Variants in FAM13B observed in about 807,000 individuals in gnomAD.
FAM13B encodes the protein family with sequence similarity 13 member B, also known as protein FAM13B.
FAM13B carries 60 observed loss-of-function variants against 117.3 expected under a neutral mutation model. That is an observed-to-expected ratio of 0.51 (90% confidence interval 0.42 to 0.63). The LOEUF (loss-of-function observed/expected upper bound fraction) is 0.63, where lower values mean the gene tolerates loss of function less well. Among genes scored for constraint, FAM13B ranks in the 30% least tolerant of loss-of-function variants. FAM13B has a pLI of 0.00. For synonymous variants in FAM13B, 332 were observed against 356.1 expected, an observed-to-expected ratio of 0.93 and a Z score of 0.76; for missense variants, 972 against 1,091.9, an observed-to-expected ratio of 0.89 and a Z score of 1.55.
intron 14 of FAM13B, among the ~76,000 whole-genome samples, chr5:137,955,810 T>G (rs1254123895): frequency 6.6e-6 from 1 of 152,082 alleles, no homozygotes; most frequent in Non-Finnish European, 1.5e-5. Context: ...ATTTGTATTT[T>G]TAGTTGAGAT....
At chr5:138,027,715 G>A (rs921497166) in intron 1 of FAM13B, among the ~76,000 whole-genome samples, 1 of 152,224 alleles carries the variant, frequency 6.6e-6, no homozygotes, top group African/African-American at 2.4e-5. Context: ...CAGTGATACG[G>A]TTTGGCTCTG....
At chr5:137,989,159 T>C (rs1777981999) in intron 7 of FAM13B, among the ~76,000 whole-genome samples, 1 of 152,244 alleles carries the variant, frequency 6.6e-6, no homozygotes, top group African/African-American at 2.4e-5. Flanking sequence ...CATCTGTAGC[T>C]ACCTTGTCAT....
Position 137,945,022 on chromosome 5 carries a change from T to TTCC in FAM13B, c.2340+879_2340+880insGGA, listed in dbSNP as rs1259262279. 2.6e-5 allele frequency among the ~76,000 whole-genome samples: 4 copies of TTCC among 152,004 alleles called. No homozygotes were observed. The East Asian group carries it at 7.7e-4, about 29-fold the overall frequency. ...TATGCTCAGTACCTAGGTGACAGGA[T>TTCC]TATTTGTACCCCAAACCTCAGCATC... is the stretch of plus-strand genomic sequence containing the variant. On this transcript the variant is annotated intron_variant, in intron 20 of 23. Coordinates refer to ENST00000689681, the MANE Select transcript of FAM13B (RefSeq NM_001385994.1).
intron 7 of FAM13B, among the ~76,000 whole-genome samples, chr5:137,995,550 C>A (rs993163757): frequency 3.3e-5 from 5 of 152,064 alleles, no homozygotes; most frequent in Non-Finnish European, 5.9e-5. Context: ...TAGAACTATA[C>A]CAAAATTACC....
intron 10 of FAM13B, among the ~76,000 whole-genome samples, chr5:137,965,649 A>C (rs895580111): frequency 1.3e-5 from 2 of 152,194 alleles, no homozygotes; most frequent in Non-Finnish European, 2.9e-5. Context: ...GCATATTGAT[A>C]TACTTCTATC....
In FAM13B at chr5:137,940,945, G is replaced by A. The variant is rs972223683; in HGVS notation, c.2691-597C>T. 7.9e-5 allele frequency among the ~76,000 whole-genome samples: 12 copies of A among 151,998 alleles called. No homozygotes were observed. The East Asian group carries it at 9.7e-4, about 12-fold the overall frequency. ...TTTTGAGACAGAGCCTTGCTCTGTC[G>A]CCCAGGCTGGAGTGCAGTGGCGACA... On this transcript the variant is annotated intron_variant, in intron 23 of 23. Coordinates refer to ENST00000689681, the MANE Select transcript of FAM13B (RefSeq NM_001385994.1).
intron 16 of FAM13B, 119 bp from the exon 17 acceptor site, chr5:137,952,828 T>A: frequency 3.2e-6 from 2 of 618,238 alleles, no homozygotes; most frequent in Non-Finnish European, 5.5e-6. Flanking sequence ...CATTTCATCT[T>A]ATTTTAATTA....
chr5:137,943,465 G>A (rs1762451138), intron 20 of FAM13B, among the ~76,000 whole-genome samples: 1 of 152,102 alleles, frequency 6.6e-6, no homozygotes, highest in African/African-American at 2.4e-5. Context: ...ATTCTAAATG[G>A]GCCAGGCACG....
chr5:137,985,650 T>A (rs928310799), intron 9 of FAM13B, among the ~76,000 whole-genome samples: 1 of 152,198 alleles, frequency 6.6e-6, no homozygotes, highest in African/African-American at 2.4e-5. Flanking sequence ...TAAAATAATT[T>A]ATGGGCCGAA....
chr5:137,987,179 C>T (rs1359337804), intron 9 of FAM13B, among the ~76,000 whole-genome samples: 1 of 151,920 alleles, frequency 6.6e-6, no homozygotes, highest in Non-Finnish European at 1.5e-5. Context: ...AACATAATTC[C>T]TAAAGGTAAG....
At chr5:137,996,842 C>T (rs1314453402) in intron 7 of FAM13B, among the ~76,000 whole-genome samples, 1 of 152,114 alleles carries the variant, frequency 6.6e-6, no homozygotes, top group Non-Finnish European at 1.5e-5. Context: ...GATCCACCCT[C>T]CTTGGCCTCA....
intron 6 of FAM13B, among the ~76,000 whole-genome samples, chr5:138,010,060 A>C (rs1392862292): frequency 2.6e-5 from 4 of 152,002 alleles, no homozygotes; most frequent in Non-Finnish European, 5.9e-5. Flanking sequence ...GGCTCACTGC[A>C]ACCTCCGCCT....
intron 11 of FAM13B, among the ~76,000 whole-genome samples, chr5:137,961,435 A>G (rs561989624): frequency 3.9e-5 from 6 of 152,182 alleles, no homozygotes; most frequent in Non-Finnish European, 7.3e-5. Flanking sequence ...TGTTAATTTT[A>G]TATCTTCAGC....
chr5:137,962,947 C>T (rs775150638), intron 10 of FAM13B, among the ~76,000 whole-genome samples: 8 of 152,092 alleles, frequency 5.3e-5, no homozygotes, highest in African/African-American at 9.7e-5. Context: ...CATTTTCCAA[C>T]GAGCTTAGTG....
intron 10 of FAM13B, among the ~76,000 whole-genome samples, chr5:137,980,191 G>A (rs956760602): frequency 2.3e-4 from 33 of 144,568 alleles, no homozygotes; most frequent in Admixed American, 1.5e-3. Context: ...AAAAAAAAAA[G>A]AAAGAAAACT....
intron 13 of FAM13B, among the ~76,000 whole-genome samples, 177 bp from the exon 14 acceptor site, chr5:137,956,719 C>G (rs1303221601): frequency 2.7e-5 from 4 of 148,828 alleles, no homozygotes; most frequent in African/African-American, 7.5e-5. Context: ...TTAACAAACA[C>G]AAACATAACA....
intron 1 of FAM13B, among the ~76,000 whole-genome samples, chr5:138,027,190 G>A (rs1292779093): frequency 6.6e-6 from 1 of 152,054 alleles, no homozygotes; most frequent in African/African-American, 2.4e-5. Context: ...AATAGAATAG[G>A]AAGAAACAAT....
intron 4 of FAM13B, among the ~76,000 whole-genome samples, chr5:138,013,136 G>A (rs1382351643): frequency 1.3e-5 from 2 of 152,092 alleles, no homozygotes; most frequent in Non-Finnish European, 2.9e-5. Context: ...CTGGGAGGCA[G>A]TGGTTGCAGT....
At chr5:137,985,686 AC>A (rs988537099) in intron 9 of FAM13B, among the ~76,000 whole-genome samples, 8 of 146,912 alleles carry the variant, frequency 5.4e-5, no homozygotes, top group Non-Finnish European at 4.6e-5. Flanking sequence ...GTAAATGCAC[AC>A]TCTCACATAA....
Sources: allele counts gnomAD v4.1 joint callset (sites outside exome capture counted in the v4.1 genomes callset), GRCh38; gene constraint gnomAD v4.1.1; transcripts MANE v1.5; gene names NCBI Gene and HGNC (gene_info 2026-07-23, HGNC 2026-07-21).